The following BNC2 variants were observed in gnomAD, a reference collection of about 807,000 sequenced individuals.
BNC2 encodes zinc finger protein basonuclin-2.
Under a neutral mutation model 76.3 loss-of-function variants are expected in BNC2, and 20 were observed. That is an observed-to-expected ratio of 0.26 (90% CI 0.18 to 0.38). The LOEUF (loss-of-function observed/expected upper bound fraction) is 0.38, where lower values mean the gene tolerates loss of function less well. BNC2 is among the 10% of genes least tolerant of loss of function. The pLI, the probability that BNC2 is intolerant of heterozygous loss-of-function variation, is 1.00. For missense variants in BNC2, 1,382 were observed against 1,399.8 expected (o/e 0.99, Z 0.20); for synonymous variants, 582 against 514.8 (o/e 1.13, Z -1.77).
chr9:16,434,156 A>G (rs567071522), intron 6 of BNC2, among the ~76,000 whole-genome samples: 2 of 152,306 alleles, frequency 1.3e-5, no homozygotes, highest in Admixed American at 6.5e-5. Flanking sequence ...TGGGTTGTAT[A>G]AGAAAGTTAC....
intron 6 of BNC2, chr9:16,434,857 T>A (rs1186297533): frequency 4.4e-6 from 2 of 458,262 alleles, no homozygotes; most frequent in Non-Finnish European, 8.8e-6. Flanking sequence ...AGACTATAGT[T>A]TAGAGATGTG....
intron 1 of BNC2, among the ~76,000 whole-genome samples, chr9:16,834,056 C>G (rs186319927): frequency 2.6e-5 from 4 of 152,254 alleles, no homozygotes; most frequent in African/African-American, 9.6e-5. Context: ...CTCAAACAAC[C>G]CTTCAGAGAA....
chr9:16,841,493 A>C (rs1056503059), intron 1 of BNC2, among the ~76,000 whole-genome samples: 9 of 152,050 alleles, frequency 5.9e-5, no homozygotes, highest in Non-Finnish European at 1.0e-4. Flanking sequence ...TATCCTGGCT[A>C]AACTGTATGT....
At chr9:16,706,432 A>C (rs1246473864) in intron 3 of BNC2, among the ~76,000 whole-genome samples, 9 of 152,236 alleles carry the variant, frequency 5.9e-5, no homozygotes, top group Non-Finnish European at 2.9e-5. Flanking sequence ...TTATCCCTAC[A>C]GAAGGCAGAA....
intron 5 of BNC2, among the ~76,000 whole-genome samples, chr9:16,548,960 G>C (rs1360121801): frequency 1.3e-5 from 2 of 152,130 alleles, no homozygotes; most frequent in East Asian, 3.9e-4. Context: ...GAATTATATA[G>C]ACACTCACAT....
rs548274263 is a variant in BNC2 at position 16,480,529 on chromosome 9, C to T, written c.670-43005G>A. On this transcript the variant is annotated intron_variant, in intron 5 of 6. Transcript: ENST00000380672. ...TGGAGGGAGAGGCGGGAGCAGGAACCGGGGCTGCAGGCGGCGCTTGCGGGC... is the reference window on the plus strand; with the variant it reads ...TGGAGGGAGAGGCGGGAGCAGGAACTGGGGCTGCAGGCGGCGCTTGCGGGC... 7.2e-5 allele frequency among the ~76,000 whole-genome samples: 11 copies of T among 152,264 alleles called. No homozygotes were observed. The South Asian group carries it at 1.2e-3, about 17-fold the overall frequency.
chr9:16,810,679 T>C (rs533233260), intron 1 of BNC2, among the ~76,000 whole-genome samples: 15 of 152,296 alleles, frequency 9.8e-5, no homozygotes, highest in African/African-American at 3.6e-4. Flanking sequence ...CTGAACAAAA[T>C]GCATCACACA....
chr9:16,469,381 T>C (rs1049163712), intron 5 of BNC2, among the ~76,000 whole-genome samples: 8 of 152,188 alleles, frequency 5.3e-5, no homozygotes, highest in South Asian at 2.1e-4. Flanking sequence ...CTCACGAGAT[T>C]TGATGGGTTT....
At chr9:16,827,599 T>A (rs1246239759) in intron 1 of BNC2, among the ~76,000 whole-genome samples, 2 of 152,186 alleles carry the variant, frequency 1.3e-5, no homozygotes, top group African/African-American at 4.8e-5. Flanking sequence ...TCATGGTGAC[T>A]TAAGTGCATT....
At chr9:16,750,963 C>T (rs773482127) in intron 1 of BNC2, among the ~76,000 whole-genome samples, 2 of 152,312 alleles carry the variant, frequency 1.3e-5, no homozygotes, top group South Asian at 2.1e-4. Context: ...CAATGGCAGG[C>T]ATTGCTAACC....
At chr9:16,603,290 T>TTC (rs1820293305) in intron 3 of BNC2, among the ~76,000 whole-genome samples, 1 of 152,218 alleles carries the variant, frequency 6.6e-6, no homozygotes, top group African/African-American at 2.4e-5. Flanking sequence ...CAAAATTTAC[T>TTC]TCTACACAGT....
At chr9:16,698,253 G>C (rs1823397687) in intron 3 of BNC2, among the ~76,000 whole-genome samples, 1 of 151,846 alleles carries the variant, frequency 6.6e-6, no homozygotes, top group South Asian at 2.1e-4. Context: ...TATCACATCT[G>C]TCTTCACCTT....
At chr9:16,825,845 G>A (rs1818442060) in intron 1 of BNC2, among the ~76,000 whole-genome samples, 2 of 152,160 alleles carry the variant, frequency 1.3e-5, no homozygotes, top group Middle Eastern at 6.8e-3. Context: ...ACCACAGACA[G>A]TCTTTCACCT....
At chr9:16,650,460 C>T (rs1363323139) in intron 3 of BNC2, among the ~76,000 whole-genome samples, 6 of 152,132 alleles carry the variant, frequency 3.9e-5, no homozygotes, top group African/African-American at 1.4e-4. Context: ...CTTCCCTGTA[C>T]ACTCAAGGTA....
chr9:16,500,043 C>G (rs981256924), intron 5 of BNC2, among the ~76,000 whole-genome samples: 2 of 152,022 alleles, frequency 1.3e-5, no homozygotes, highest in Non-Finnish European at 2.9e-5. Context: ...CTCCCAGATT[C>G]TTAGCCTAGT....
chr9:16,685,399 T>C (rs1285440684), intron 3 of BNC2: 1 of 409,858 alleles, frequency 2.4e-6, no homozygotes, highest in Non-Finnish European at 5.0e-6. Context: ...AAAGGACCTA[T>C]GGCTGCACAT....
intron 1 of BNC2, among the ~76,000 whole-genome samples, chr9:16,845,773 G>A (rs776943387): frequency 1.2e-4 from 19 of 152,048 alleles, no homozygotes; most frequent in African/African-American, 4.1e-4. Flanking sequence ...CAAACCCCAC[G>A]TTCCAGAACA....
At chr9:16,685,374 G>T (rs1822943979) in intron 3 of BNC2, among the ~76,000 whole-genome samples, 1 of 152,210 alleles carries the variant, frequency 6.6e-6, no homozygotes, top group Non-Finnish European at 1.5e-5. Flanking sequence ...TACAGTTACA[G>T]ACAACGCATC....
chr9:16,526,925 A>AT (rs1204658994), intron 5 of BNC2, among the ~76,000 whole-genome samples: 1 of 152,228 alleles, frequency 6.6e-6, no homozygotes, highest in Non-Finnish European at 1.5e-5. Flanking sequence ...AAACTGCCAT[A>AT]TGGGCATTTT....
Sources: allele counts gnomAD v4.1 joint callset (sites outside exome capture counted in the v4.1 genomes callset), GRCh38; gene constraint gnomAD v4.1.1; transcripts MANE v1.5; gene names NCBI Gene and HGNC (gene_info 2026-07-23, HGNC 2026-07-21).